The following MYPN variants were observed in gnomAD, a reference collection of about 807,000 sequenced individuals.
The protein encoded by MYPN is sarcomeric protein myopalladin, 145 kDa (MYOP).
In MYPN, 63 loss-of-function variants were observed where a neutral mutation model predicts 129.4. That is an observed-to-expected ratio of 0.49 (90% confidence interval 0.40 to 0.60). The LOEUF (loss-of-function observed/expected upper bound fraction) is 0.60, where lower values mean the gene tolerates loss of function less well. Among genes scored for constraint, MYPN ranks in the 20% least tolerant of loss-of-function variants. MYPN has a pLI of 0.00. For missense variants in MYPN, 1,596 were observed against 1,635.4 expected, an observed-to-expected ratio of 0.98 and a Z score of 0.42; for synonymous variants, 629 against 600.9, an observed-to-expected ratio of 1.05 and a Z score of -0.68.
intron 1 of MYPN, among the ~76,000 whole-genome samples, chr10:68,093,479 C>T (rs1335715781): frequency 1.3e-5 from 2 of 151,308 alleles, no homozygotes; most frequent in East Asian, 1.9e-4. Context: ...TGGCTCATGC[C>T]TGTAATCCCA....
At chr10:68,136,591 T>C (rs2042490988) in intron 2 of MYPN, 3 of 1,496,178 alleles carry the variant, frequency 2.0e-6, no homozygotes, top group Non-Finnish European at 2.7e-6. Flanking sequence ...TTACCGATTG[T>C]TTTTTTAGGC....
chr10:68,162,320 T>G lies in MYPN; in HGVS notation c.1483+568T>G, dbSNP rs1035267401. On this transcript the variant is annotated intron_variant, in intron 8 of 19. Coordinates refer to ENST00000358913, the MANE Select transcript of MYPN (RefSeq NM_032578.4). ...ATTGAGAAGTGTTTCTTAGGAATATTTTTCCTCCATAAATGGCCGCCATTT... is the reference window on the plus strand; with the variant it reads ...ATTGAGAAGTGTTTCTTAGGAATATGTTTCCTCCATAAATGGCCGCCATTT... Among the ~76,000 whole-genome samples, 11 of 152,342 alleles carry G rather than the reference T, an allele frequency of 7.2e-5. No homozygotes were observed. In the South Asian group the frequency reaches 1.4e-3, roughly 20 times the overall value.
intron 1 of MYPN, among the ~76,000 whole-genome samples, chr10:68,093,198 T>C (rs2041938865): frequency 6.6e-6 from 1 of 152,058 alleles, no homozygotes; most frequent in Non-Finnish European, 1.5e-5. Context: ...TTTTTACATG[T>C]TGGAAAAAGG....
intron 2 of MYPN, among the ~76,000 whole-genome samples, chr10:68,123,712 A>T (rs1052804269): frequency 6.6e-6 from 1 of 151,094 alleles, no homozygotes; most frequent in Non-Finnish European, 1.5e-5. Context: ...TAAATAAATA[A>T]ATAAATAAAT....
At chr10:68,168,157 C>G (rs2043083100) in intron 10 of MYPN, among the ~76,000 whole-genome samples, 1 of 152,210 alleles carries the variant, frequency 6.6e-6, no homozygotes, top group Admixed American at 6.5e-5. Context: ...GTGTCAAGTA[C>G]CACTGTTAAC....
chr10:68,182,443 TATATATAACATATATATATAAC>T lies in MYPN; in HGVS notation c.2704-6454_2704-6433del, dbSNP rs869028036. The stretch of plus-strand genomic sequence containing the variant: ...ATATATATAACACATATATATAACA[TATATATAACATATATATATAAC>T]ATATATACACACACACACACACACA... On this transcript the variant is annotated intron_variant, in intron 12 of 19. Coordinates refer to ENST00000358913, the MANE Select transcript of MYPN (RefSeq NM_032578.4). Among the ~76,000 whole-genome samples, 283 of 107,936 alleles carry T rather than the reference TATATATAACATATATATATAAC, an allele frequency of 2.6e-3. 8 individuals are homozygous for T. Among genetic ancestry groups the T allele is most frequent in the African/African-American group, 2.9e-3 (85 of 29,254 alleles). The allele number at this position is 107,936 out of a possible 152,430, so 70.8% of individuals were successfully genotyped here.
chr10:68,159,519 C>T, intron 7 of MYPN, among the ~76,000 whole-genome samples: 1 of 152,132 alleles, frequency 6.6e-6, no homozygotes, highest in East Asian at 1.9e-4. Flanking sequence ...GGTTCTTGCT[C>T]TTTTTTATTG....
rs147500426 is a variant in MYPN, at chr10:68,166,592, C to T, written c.1899C>T (p.Asn633=). The change falls in exon 10 of 20, where the codon AAC becomes AAT. Residue 633 remains asparagine (N), a synonymous_variant. Transcript: ENST00000358913. ...TRPDSFQERF[N]GQATKTPEPS... ...CCGATTCTTTCCAGGAGAGGTTCAA[C>T]GGACAGGCAACAAAAACCCCAGAGC... 2.0e-5 allele frequency: 33 copies of T among 1,614,116 alleles called. No individual in the cohort carries two copies. Among genetic ancestry groups the T allele is most frequent in the Middle Eastern group, 1.6e-4 (1 of 6,062 alleles).
In MYPN at chr10:68,150,092, C is replaced by T; in HGVS notation, c.1298C>T (p.Ala433Val). 1 of 1,613,674 alleles carries T rather than the reference C, an allele frequency of 6.2e-7. No homozygotes were observed. The highest frequency in any genetic ancestry group is 8.5e-7 in the Non-Finnish European group (1 of 1,179,610). The part of the protein sequence containing the change: ...LQGLDGKPII[A>V]APVFTKMLQN... ...GGATTGGATGGAAAACCTATCATTG[C>T]AGCTCCTGTGTTTACAAAGGTAATA... Residue 433 changes from alanine (A) to valine (V), a missense_variant, in exon 6 of 20, where the codon GCA becomes GTA. By Grantham distance (64) the Ala-to-Val change is moderately conservative. Transcript: ENST00000358913.
chr10:68,106,232 GT>G, upstream of MYPN: 1 of 438,004 alleles, frequency 2.3e-6, no homozygotes, highest in Non-Finnish European at 4.5e-6. Flanking sequence ...TGGGTGTTCT[GT>G]TTAGTTTTTA....
chr10:68,154,241 T>C (rs1205841612), intron 6 of MYPN, among the ~76,000 whole-genome samples: 1 of 152,170 alleles, frequency 6.6e-6, no homozygotes, highest in East Asian at 1.9e-4. Context: ...TTCTTGAATG[T>C]GAAGGGAGGT....
intron 10 of MYPN, among the ~76,000 whole-genome samples, chr10:68,170,449 T>G (rs2043127672): frequency 6.6e-6 from 1 of 152,190 alleles, no homozygotes; most frequent in Admixed American, 6.5e-5. Flanking sequence ...CACCACACCC[T>G]TTGTAAATCT....
At chr10:68,159,696 G>A (rs1290707129) in intron 7 of MYPN, among the ~76,000 whole-genome samples, 1 of 152,044 alleles carries the variant, frequency 6.6e-6, no homozygotes, top group Non-Finnish European at 1.5e-5. Flanking sequence ...GCAATCATAT[G>A]ATAGAAAAAC....
At chr10:68,198,632 G>A (rs1400483531) in intron 16 of MYPN, among the ~76,000 whole-genome samples, 3 of 152,224 alleles carry the variant, frequency 2.0e-5, no homozygotes, top group East Asian at 1.9e-4. Context: ...GGTCCCATCC[G>A]CAGAGATTCT....
Position 68,109,639 on chromosome 10 carries a change from A to G in MYPN, c.-86A>G. ...AATTTCCCTCTTCTCCTGTGCTTTCATCTAAAAGTTCTCCCTGGATAATTA... is the reference window on the plus strand; with the variant it reads ...AATTTCCCTCTTCTCCTGTGCTTTCGTCTAAAAGTTCTCCCTGGATAATTA... On this transcript the variant is annotated 5_prime_UTR_variant, in exon 1 of 20. Transcript: ENST00000358913. 1 of 454,054 alleles carries G rather than the reference A, an allele frequency of 2.2e-6. No individual in the cohort carries two copies. 28.1% of individuals were successfully genotyped at this position (454,054 alleles called of 1,614,324 possible).
chr10:68,205,547 C>T (rs2043801213), intron 18 of MYPN, among the ~76,000 whole-genome samples: 1 of 150,900 alleles, frequency 6.6e-6, no homozygotes. Context: ...ATTAGGCAGG[C>T]ATGGTGGCAG....
Position 68,121,438 on chromosome 10 carries a change from C to A in MYPN, c.-1C>A, listed in dbSNP as rs769449509. ...TTTTGTTATTATTATTTTGTGACAG[C>A]ATGCAAGACGACAGCATAGAAGCTT... On this transcript the variant is annotated splice_region_variant and 5_prime_UTR_variant, in exon 2 of 20. Coordinates refer to ENST00000358913, the MANE Select transcript of MYPN (RefSeq NM_032578.4). 1.2e-6 allele frequency: 2 copies of A among 1,607,364 alleles called. No individual in the cohort carries two copies. Among genetic ancestry groups the A allele is most frequent in the East Asian group, 4.5e-5 (2 of 44,820 alleles).
chr10:68,090,264 G>T (rs2041924947), intron 1 of MYPN, among the ~76,000 whole-genome samples: 1 of 152,082 alleles, frequency 6.6e-6, no homozygotes, highest in East Asian at 1.9e-4. Flanking sequence ...CTGGGTTCAA[G>T]CAATTCTCCT....
At chr10:68,197,629 T>A in intron 16 of MYPN, 151 bp downstream of exon 16, 1 of 873,982 alleles carries the variant, frequency 1.1e-6, no homozygotes, top group Non-Finnish European at 1.7e-6. Flanking sequence ...ATCATAAGGC[T>A]TGTTTGGAGT....
Sources: gnomAD v4.1 joint callset for allele counts (sites outside exome capture counted in the v4.1 genomes callset) on GRCh38, gnomAD v4.1.1 for gene constraint, MANE v1.5 for transcripts, NCBI Gene and HGNC (gene_info 2026-07-23, HGNC 2026-07-21) for gene names.